ITPRIPL1: variants seen among roughly 807,000 people sequenced by gnomAD.
ITPRIPL1 encodes the protein ITPRIP like 1, also known as inositol 1,4,5-trisphosphate receptor-interacting protein-like 1.
ITPRIPL1 carries 28 observed loss-of-function variants against 40.0 expected under a neutral mutation model. The observed-to-expected ratio is 0.70, with a 90% confidence interval of 0.52 to 0.96. The LOEUF (loss-of-function observed/expected upper bound fraction) is 0.96. Ranked by LOEUF, ITPRIPL1 falls within the 40% of genes least tolerant of loss-of-function variation. The pLI is 0.00. For synonymous variants in ITPRIPL1, 251 were observed against 275.7 expected (o/e 0.91, Z 0.89); for missense variants, 638 against 698.0 (o/e 0.91, Z 0.97).
At chr2:96,329,150 TA>T (rs1235458130), downstream of ITPRIPL1, 28 of 1,418 alleles carry the variant, frequency 0.02, no homozygotes, top group East Asian at 0.057. Flanking sequence ...AAAAAAAAAT[TA>T]TATATATATA....
chr2:96,325,791 A>T lies in ITPRIPL1; in HGVS notation c.-49A>T. 6.2e-7 allele frequency: 1 copy of T among 1,608,890 alleles called. No individual in the cohort carries two copies. On this transcript the variant is annotated 5_prime_UTR_variant, in exon 2 of 3. In the 5' UTR this introduces an upstream ATG that the reference lacks. Transcript: ENST00000439118. ...GAGACGAAGCAAGGCCAAGTTCCAAAGGGAGGATAGGCCCAGCTGGCTTCA... is the reference window on the plus strand; with the variant it reads ...GAGACGAAGCAAGGCCAAGTTCCAATGGGAGGATAGGCCCAGCTGGCTTCA...
chr2:96,327,397 C>T lies in ITPRIPL1; in HGVS notation c.766C>T (p.Pro256Ser), dbSNP rs770605264. Reference sequence around the variant, plus strand: ...CATGTTTGTCCTGGAGATGAGGGACCCAGCCCTGGGCCGCCGCTGTGGCTG... The same window carrying T: ...CATGTTTGTCCTGGAGATGAGGGACTCAGCCCTGGGCCGCCGCTGTGGCTG... Reference protein sequence around the residue: ...GTMFVLEMRDPALGRRCGCVL... With the variant: ...GTMFVLEMRDSALGRRCGCVL... Residue 256 changes from proline (P) to serine (S), a missense_variant, in exon 3 of 3, where the codon CCA (proline) becomes TCA (serine). Transcript: ENST00000439118. The T allele has an allele frequency of 1.1e-5, 18 of 1,613,912 alleles. No homozygotes were observed. The Admixed American group carries it at 3.0e-4, about 27-fold the overall frequency.
downstream of ITPRIPL1, chr2:96,329,173 A>G (rs1196111569): frequency 7.4e-6 from 1 of 134,540 alleles, no homozygotes; most frequent in African/African-American, 2.7e-5. Flanking sequence ...ATATATATAT[A>G]TATATATATA....
intron 2 of ITPRIPL1, chr2:96,326,064 G>T: frequency 8.7e-7 from 1 of 1,143,152 alleles, no homozygotes; most frequent in Non-Finnish European, 1.2e-6. Context: ...GTAGCAAGCA[G>T]CTGGCGGCAC....
rs749709553 is a variant in ITPRIPL1, at chr2:96,327,919, C to T, written c.1288C>T (p.Arg430Trp). Residue 430 changes from arginine to tryptophan, a missense_variant, in exon 3 of 3, where the codon CGG becomes TGG. Arg to Trp is a moderately radical substitution (Grantham distance 101, BLOSUM62 -3). Transcript: ENST00000439118. ...LKCLQIILSL[R>W]QHQSLPHGAS... is the part of the protein sequence containing the mutation. ...GTGCCTCCAGATCATTTTAAGTCTC[C>T]GGCAGCATCAGAGCTTACCCCATGG... is the stretch of plus-strand genomic sequence containing the variant. The T allele has an allele frequency of 1.1e-5, 17 of 1,613,902 alleles. No individual in the cohort carries two copies. The highest frequency in any genetic ancestry group is 8.9e-5 in the East Asian group (4 of 44,872).
Position 96,327,099 on chromosome 2 carries a change from C to A in ITPRIPL1, c.468C>A (p.Tyr156Ter). The change falls in exon 3 of 3, where the codon TAC becomes TAA. Residue 156 changes from tyrosine to a stop codon, truncating the protein, a stop_gained. Coordinates refer to ENST00000439118, the MANE Select transcript of ITPRIPL1 (RefSeq NM_001008949.3). LOFTEE classifies it high-confidence loss of function. ...EEVRVVPVTS[Y>*]NWLTDFPSQE... ...TCCGTGTTGTCCCTGTCACCTCTTA[C>A]AACTGGCTTACTGACTTCCCCTCCC... 1 of 1,614,184 alleles carries A rather than the reference C, an allele frequency of 6.2e-7. No individual in the cohort carries two copies. Among genetic ancestry groups the A allele is most frequent in the Non-Finnish European group, 8.5e-7 (1 of 1,180,014 alleles).
chr2:96,327,478 C>A lies in ITPRIPL1; in HGVS notation c.847C>A (p.Leu283Met). The part of the protein sequence containing the change: ...CKREKLLGDV[L>M]CLVHHHRDPS... Reference sequence around the variant, plus strand: ...GCGTGAGAAACTCCTAGGGGACGTGCTGTGCCTGGTGCACCACCACAGGGA... The same window carrying A: ...GCGTGAGAAACTCCTAGGGGACGTGATGTGCCTGGTGCACCACCACAGGGA... The change falls in exon 3 of 3, where the codon CTG becomes ATG. Residue 283 changes from leucine (L) to methionine (M), a missense_variant. Coordinates refer to ENST00000439118, the MANE Select transcript of ITPRIPL1 (RefSeq NM_001008949.3). 1.2e-6 allele frequency: 2 copies of A among 1,614,092 alleles called. No individual in the cohort carries two copies. The highest frequency in any genetic ancestry group is 1.7e-6 in the Non-Finnish European group (2 of 1,180,000).
downstream of ITPRIPL1, chr2:96,328,623 T>G (rs2064139336): frequency 4.2e-6 from 1 of 240,578 alleles, no homozygotes; most frequent in Non-Finnish European, 8.1e-6. Context: ...GTTGTGTTTT[T>G]GTATCAACAC....
rs1232333270 is a variant in ITPRIPL1, at chr2:96,325,339, G to C, written c.-320G>C. The C allele has an allele frequency of 6.4e-6, 1 of 156,802 alleles. No individual in the cohort carries two copies. Among genetic ancestry groups the C allele is most frequent in the Non-Finnish European group, 1.4e-5 (1 of 71,124 alleles). 9.7% of individuals were successfully genotyped at this position (156,802 alleles called of 1,614,324 possible). A position where few individuals can be genotyped will look rare whatever the true frequency, so the allele number is the denominator to read the frequency against. On this transcript the variant is annotated 5_prime_UTR_variant, in exon 1 of 3. Coordinates refer to ENST00000439118, the MANE Select transcript of ITPRIPL1 (RefSeq NM_001008949.3). ...CCCGGACGGCGGGAGCGGCTGCGGC[G>C]CGCGGGCGCCCTCGGAGCCGCGTGC...
chr2:96,326,094 C>A, intron 2 of ITPRIPL1: 1 of 1,365,282 alleles, frequency 7.3e-7, no homozygotes, highest in Non-Finnish European at 1.0e-6. Context: ...CTTGCGCTCC[C>A]TGGGCAGAGA....
intron 2 of ITPRIPL1, chr2:96,326,096 G>A (rs2064104048): frequency 1.5e-6 from 2 of 1,352,722 alleles, no homozygotes; most frequent in Admixed American, 2.0e-5. Context: ...TGCGCTCCCT[G>A]GGCAGAGAGG....
At chr2:96,326,286 C>T (rs1482493678) in intron 2 of ITPRIPL1, 2 of 1,448,932 alleles carry the variant, frequency 1.4e-6, no homozygotes, top group Admixed American at 2.1e-5. Context: ...ATATCTGGTG[C>T]CCATGGTTGA....
chr2:96,328,098 C>T lies in ITPRIPL1; in HGVS notation c.1467C>T (p.Ser489=). The change falls in exon 3 of 3, where the codon TCC becomes TCT. Residue 489 remains serine, a synonymous_variant. Transcript: ENST00000439118. ...TGGGCCGTGGCCTCCAGCAAAGGTCCCTCCATCATTTCCTCATTGGTAACA... is the reference window on the plus strand; with the variant it reads ...TGGGCCGTGGCCTCCAGCAAAGGTCTCTCCATCATTTCCTCATTGGTAACA... ...WFLGRGLQQR[S]LHHFLIGNNF... is the part of the protein sequence containing the mutation. The T allele has an allele frequency of 2.5e-6, 4 of 1,614,108 alleles. No homozygotes were observed. Among genetic ancestry groups the T allele is most frequent in the Non-Finnish European group, 3.4e-6 (4 of 1,180,030 alleles).
At chr2:96,330,390 A>G (rs912561243), downstream of ITPRIPL1, 1 of 151,686 alleles carries the variant, frequency 6.6e-6, no homozygotes, top group Non-Finnish European at 1.5e-5. Context: ...AGATGCAATC[A>G]TGGTTGCTTC....
chr2:96,326,085 T>C, intron 2 of ITPRIPL1: 1 of 1,313,042 alleles, frequency 7.6e-7, no homozygotes, highest in Non-Finnish European at 1.0e-6. Flanking sequence ...TGTGCCTCTC[T>C]TGCGCTCCCT....
Position 96,325,730 on chromosome 2 carries a change from C to T in ITPRIPL1, c.-93-17C>T. On this transcript the variant is annotated splice_polypyrimidine_tract_variant and intron_variant, in intron 1 of 2. Transcript: ENST00000439118. ...GATTTGAGCCAAAGCCCCCAGGTAC[C>T]TTGTACATTTTAACAGGGCTCCTAG... 1 of 1,145,946 alleles carries T rather than the reference C, an allele frequency of 8.7e-7. No homozygotes were observed. The allele number at this position is 1,145,946 out of a possible 1,614,324, so 71.0% of individuals were successfully genotyped here.
intron 1 of ITPRIPL1, 28 bp downstream of exon 1, chr2:96,325,593 A>G (rs1259985871): frequency 8.3e-5 from 49 of 588,780 alleles, no homozygotes; most frequent in Non-Finnish European, 1.2e-5. Flanking sequence ...GGGTCCCGGG[A>G]GACATCCCGA....
intron 2 of ITPRIPL1, 138 bp from the exon 3 acceptor site, chr2:96,326,504 G>GC: frequency 6.4e-7 from 1 of 1,554,810 alleles, no homozygotes; most frequent in Non-Finnish European, 8.7e-7. Context: ...CTGTGTCCAA[G>GC]CCAAGCTCTG....
rs143307293 is a variant in ITPRIPL1 at position 96,326,893 on chromosome 2, G to C, written c.262G>C (p.Gly88Arg). ...GDTSSDQLVL[G>R]KKDMGWPFQA... ...CACATCCAGTGACCAGTTAGTGCTG[G>C]GGAAGAAAGACATGGGGTGGCCGTT... Residue 88 changes from glycine to arginine, a missense_variant, in exon 3 of 3, where the codon GGG (glycine) becomes CGG (arginine). Transcript: ENST00000439118. 6.0e-5 allele frequency: 97 copies of C among 1,614,244 alleles called. 1 individual carries two copies. The African/African-American group carries it at 1.1e-3, about 19-fold the overall frequency.
Sources: allele counts gnomAD v4.1 joint callset, GRCh38; gene constraint gnomAD v4.1.1; transcripts MANE v1.5; gene names NCBI Gene and HGNC (gene_info 2026-07-23, HGNC 2026-07-21).